Variants in WWOX observed in about 807,000 individuals in gnomAD.
WWOX encodes WW domain-containing oxidoreductase.
WWOX carries 69 observed loss-of-function variants against 46.2 expected under a neutral mutation model. That is an observed-to-expected ratio of 1.49 (90% confidence interval 1.23 to 1.82). WWOX has a LOEUF of 1.82. WWOX is among the 40% of genes most tolerant of loss of function. The pLI is 0.00. For synonymous variants in WWOX, 359 were observed against 202.6 expected (o/e 1.77, Z -6.56); for missense variants, 919 against 542.6 (o/e 1.69, Z -6.89).
intron 3 of WWOX, among the ~76,000 whole-genome samples, chr16:78,114,745 G>A (rs750641606): frequency 8.6e-5 from 13 of 152,030 alleles, no homozygotes; most frequent in East Asian, 5.8e-4. Flanking sequence ...ATGTTACAGC[G>A]TATGTTATAG....
intron 5 of WWOX, among the ~76,000 whole-genome samples, chr16:78,322,301 A>G (rs1337629881): frequency 1.3e-5 from 2 of 151,572 alleles, no homozygotes; most frequent in Non-Finnish European, 2.9e-5. Flanking sequence ...CATTAAGGGG[A>G]AAAAATGACA....
chr16:78,253,022 A>G (rs9922125), intron 5 of WWOX, among the ~76,000 whole-genome samples: 2,869 of 152,328 alleles, frequency 0.019, 85 homozygotes, highest in African/African-American at 0.062. Flanking sequence ...GGCCCTTTAT[A>G]AATGTGGGAC....
intron 8 of WWOX, among the ~76,000 whole-genome samples, chr16:78,939,120 C>A (rs941104300): frequency 6.6e-6 from 1 of 152,164 alleles, no homozygotes; most frequent in African/African-American, 2.4e-5. Context: ...GGATTTTCTG[C>A]CCATTGACTT....
At chr16:78,575,021 A>G (rs1202222908) in intron 8 of WWOX, among the ~76,000 whole-genome samples, 3 of 13,334 alleles carry the variant, frequency 2.2e-4, no homozygotes, top group African/African-American at 5.1e-4. Context: ...ATATATATAT[A>G]AATATATATA....
rs142732767 is a variant in WWOX at position 78,812,648 on chromosome 16, C to T, written c.1056+379896C>T. Among the ~76,000 whole-genome samples, 468 of 151,910 alleles carry T rather than the reference C, an allele frequency of 3.1e-3. 1 individual carries two copies. Among genetic ancestry groups the T allele is most frequent in the African/African-American group, 0.011 (443 of 41,266 alleles). On this transcript the variant is annotated intron_variant, in intron 8 of 8. Coordinates refer to ENST00000566780, the MANE Select transcript of WWOX (RefSeq NM_016373.4). ...GGCTGACGCGCGAGAATCACTTGAACCCAGGAGGCGAAGGTTGCAGTGAGC... is the reference window on the plus strand; with the variant it reads ...GGCTGACGCGCGAGAATCACTTGAATCCAGGAGGCGAAGGTTGCAGTGAGC...
At chr16:78,235,808 A>G (rs2037418593) in intron 5 of WWOX, among the ~76,000 whole-genome samples, 1 of 152,162 alleles carries the variant, frequency 6.6e-6, no homozygotes, top group Admixed American at 6.5e-5. Flanking sequence ...AGAGCCACCA[A>G]TTACTAAGGA....
chr16:78,200,368 T>A (rs1027680051), intron 5 of WWOX, among the ~76,000 whole-genome samples: 2 of 150,618 alleles, frequency 1.3e-5, no homozygotes, highest in East Asian at 3.9e-4. Flanking sequence ...CTTACAACAA[T>A]AGGAAAAGAA....
At chr16:78,933,398 C>A (rs889633367) in intron 8 of WWOX, among the ~76,000 whole-genome samples, 1 of 152,188 alleles carries the variant, frequency 6.6e-6, no homozygotes. Flanking sequence ...AAGATTGTGC[C>A]ACTGTACTCT....
intron 8 of WWOX, among the ~76,000 whole-genome samples, chr16:78,952,229 C>T (rs1268770637): frequency 6.6e-6 from 1 of 152,104 alleles, no homozygotes; most frequent in African/African-American, 2.4e-5. Flanking sequence ...TTTGCCTCTA[C>T]TCAGTCTTTA....
rs752427677 is a variant in WWOX, at chr16:78,789,287, T to C, written c.1056+356535T>C. ...CAGACTTTTATAGTTTTAGCACTTA[T>C]GTTAAGACTTTTGATCCATTTTACG... On this transcript the variant is annotated intron_variant, in intron 8 of 8. Transcript: ENST00000566780. Among the ~76,000 whole-genome samples the C allele has an allele frequency of 4.6e-5, 7 of 152,234 alleles. No homozygotes were observed. The East Asian group carries it at 5.8e-4, about 13-fold the overall frequency.
intron 8 of WWOX, among the ~76,000 whole-genome samples, chr16:78,498,467 A>G (rs1334411966): frequency 6.6e-6 from 1 of 152,114 alleles, no homozygotes; most frequent in Non-Finnish European, 1.5e-5. Context: ...CACAAATCTT[A>G]TGATAAAACT....
chr16:79,007,501 T>C (rs779147315), intron 8 of WWOX, among the ~76,000 whole-genome samples: 4 of 152,144 alleles, frequency 2.6e-5, no homozygotes, highest in Non-Finnish European at 5.9e-5. Flanking sequence ...GGGAGAAAGA[T>C]GATGAAGGCC....
At chr16:78,603,479 G>A (rs1347739122) in intron 8 of WWOX, among the ~76,000 whole-genome samples, 3 of 152,196 alleles carry the variant, frequency 2.0e-5, no homozygotes, top group Non-Finnish European at 2.9e-5. Context: ...CGGATTACTT[G>A]AGGCCAGGAG....
chr16:78,484,614 G>A (rs972849369), intron 8 of WWOX, among the ~76,000 whole-genome samples: 8 of 152,196 alleles, frequency 5.3e-5, no homozygotes, highest in African/African-American at 1.7e-4. Flanking sequence ...TTATCAAGGT[G>A]GCAAACGGTA....
intron 8 of WWOX, among the ~76,000 whole-genome samples, chr16:78,683,584 T>C (rs2047782024): frequency 6.6e-6 from 1 of 151,320 alleles, no homozygotes. Context: ...ACATGAAAAA[T>C]AGAGACAAAG....
At chr16:78,481,275 A>G (rs925266578) in intron 8 of WWOX, among the ~76,000 whole-genome samples, 32 of 152,208 alleles carry the variant, frequency 2.1e-4, no homozygotes, top group African/African-American at 6.5e-4. Context: ...AGTTCAAAGC[A>G]GCTTGGAGCC....
intron 8 of WWOX, among the ~76,000 whole-genome samples, chr16:79,121,434 A>G (rs996453202): frequency 2.6e-5 from 4 of 152,198 alleles, no homozygotes; most frequent in Admixed American, 6.5e-5. Flanking sequence ...TGGCCAGTAG[A>G]TGGAATTCTA....
intron 8 of WWOX, among the ~76,000 whole-genome samples, chr16:78,975,030 A>T (rs1450267886): frequency 6.6e-6 from 1 of 152,154 alleles, no homozygotes; most frequent in Non-Finnish European, 1.5e-5. Context: ...CCGTTGTTGG[A>T]TGTGAAAAGG....
intron 8 of WWOX, among the ~76,000 whole-genome samples, chr16:79,085,222 G>A (rs942751853): frequency 6.6e-6 from 1 of 152,108 alleles, no homozygotes; most frequent in Non-Finnish European, 1.5e-5. Context: ...ACTTGACTCT[G>A]TTGGGAGCTA....
Sources: allele counts gnomAD v4.1 joint callset (sites outside exome capture counted in the v4.1 genomes callset), GRCh38; gene constraint gnomAD v4.1.1; transcripts MANE v1.5; gene names NCBI Gene and HGNC (gene_info 2026-07-23, HGNC 2026-07-21).